The following LMO7 variants were observed in gnomAD, a reference collection of about 807,000 sequenced individuals.
LMO7 encodes LIM domain 7, also known as LIM domain only protein 7.
LMO7 carries 120 observed loss-of-function variants against 206.5 expected under a neutral mutation model. The ratio of observed to expected loss-of-function variants is 0.58; its 90% CI spans 0.50 to 0.68. The LOEUF (loss-of-function observed/expected upper bound fraction) is 0.68. Among genes scored for constraint, LMO7 ranks in the 30% least tolerant of loss-of-function variants. The probability of loss-of-function intolerance (pLI) is 0.00; values close to 1 mark genes in which losing one functional copy is unlikely to be tolerated. For synonymous variants in LMO7, 706 were observed against 681.5 expected (o/e 1.04, Z -0.56); for missense variants, 1,959 against 1,957.9 (o/e 1.00, Z -0.01).
intron 1 of LMO7, among the ~76,000 whole-genome samples, chr13:75,650,004 A>G (rs1174109637): frequency 6.6e-6 from 1 of 152,090 alleles, no homozygotes; most frequent in African/African-American, 2.4e-5. Flanking sequence ...TGTTTTTAAA[A>G]TTTTATGTTT....
intron 3 of LMO7, among the ~76,000 whole-genome samples, chr13:75,733,353 A>T (rs1319777743): frequency 6.6e-6 from 1 of 152,096 alleles, no homozygotes. Flanking sequence ...CCCCAGCCTC[A>T]CTGCTGCCTT....
chr13:75,836,640 A>T (rs1266713993), intron 19 of LMO7, among the ~76,000 whole-genome samples, 183 bp downstream of exon 19: 1 of 152,184 alleles, frequency 6.6e-6, no homozygotes, highest in Non-Finnish European at 1.5e-5. Context: ...TCCAGTGCTG[A>T]ATAGTTCAGG....
intron 3 of LMO7, among the ~76,000 whole-genome samples, chr13:75,752,411 G>A (rs2047346456): frequency 6.6e-6 from 1 of 152,118 alleles, no homozygotes; most frequent in African/African-American, 2.4e-5. Context: ...GGGATTACAG[G>A]CATGAGCCAC....
intron 1 of LMO7, among the ~76,000 whole-genome samples, chr13:75,708,222 A>G (rs2042802696): frequency 6.6e-6 from 1 of 152,212 alleles, no homozygotes; most frequent in African/African-American, 2.4e-5. Flanking sequence ...ACTGGGGTGC[A>G]GAGAGGTTAT....
At chr13:75,847,445 T>C (rs569441300) in intron 26 of LMO7, among the ~76,000 whole-genome samples, 1 of 152,358 alleles carries the variant, frequency 6.6e-6, no homozygotes, top group South Asian at 2.1e-4. Flanking sequence ...GATGATTATT[T>C]GGATTGCTTG....
At chr13:75,817,848 T>G (rs1233547799) in intron 12 of LMO7, among the ~76,000 whole-genome samples, 1 of 152,212 alleles carries the variant, frequency 6.6e-6, no homozygotes, top group Non-Finnish European at 1.5e-5. Flanking sequence ...AGATATAGAC[T>G]TACTCTTTAG....
intron 4 of LMO7, among the ~76,000 whole-genome samples, chr13:75,790,536 C>T (rs1250218392): frequency 9.2e-5 from 14 of 152,182 alleles, no homozygotes; most frequent in Non-Finnish European, 2.9e-5. Flanking sequence ...CCCACAGCAT[C>T]TATGTAGACT....
At position 75,636,371 on chromosome 13, in the gene LMO7, C is replaced by A. The variant is rs1461193689; in HGVS notation, c.-287C>A. On this transcript the variant is annotated 5_prime_UTR_variant, in exon 1 of 31. Transcript: ENST00000377534. ...TGGTGCCGCGCGCTGCCGCTGGGCA[C>A]CCGCTTCGCTTCCCGCGTCCTGCCT... 1 of 1,264,622 alleles carries A rather than the reference C, an allele frequency of 7.9e-7. No individual in the cohort carries two copies. 78.3% of individuals were successfully genotyped at this position (1,264,622 alleles called of 1,614,324 possible). A position where few individuals can be genotyped will look rare whatever the true frequency, so the allele number is the denominator to read the frequency against.
At chr13:75,822,249 G>T (rs2057655192) in intron 14 of LMO7, among the ~76,000 whole-genome samples, 2 of 152,096 alleles carry the variant, frequency 1.3e-5, no homozygotes, top group Non-Finnish European at 2.9e-5. Context: ...ATTCTTTTTA[G>T]CTCTGCTAAT....
At chr13:75,822,569 A>G (rs1240134943) in intron 14 of LMO7, among the ~76,000 whole-genome samples, 3 of 151,800 alleles carry the variant, frequency 2.0e-5, no homozygotes, top group African/African-American at 7.3e-5. Context: ...GAGGGGATTC[A>G]AATGTCTGGT....
At chr13:75,805,829 T>A in intron 9 of LMO7, 69 bp downstream of exon 9, 1 of 1,451,674 alleles carries the variant, frequency 6.9e-7, no homozygotes, top group Non-Finnish European at 9.4e-7. Flanking sequence ...TCTATGTGCA[T>A]GTTTTTTATA....
chr13:75,641,702 T>C (rs1021192458), intron 1 of LMO7, among the ~76,000 whole-genome samples: 1 of 152,234 alleles, frequency 6.6e-6, no homozygotes, highest in African/African-American at 2.4e-5. Context: ...TTGCCCAGGC[T>C]GGAGTGCAGT....
chr13:75,712,199 G>T (rs1370613595), intron 1 of LMO7, among the ~76,000 whole-genome samples: 1 of 152,174 alleles, frequency 6.6e-6, no homozygotes, highest in African/African-American at 2.4e-5. Context: ...GCCAACCTGG[G>T]ATTTAAGATT....
chr13:75,663,831 C>CT (rs988690650), intron 1 of LMO7, among the ~76,000 whole-genome samples: 4 of 151,558 alleles, frequency 2.6e-5, no homozygotes, highest in South Asian at 2.1e-4. Context: ...AGTTGGGCTT[C>CT]TTTTTTTTAA....
intron 26 of LMO7, among the ~76,000 whole-genome samples, chr13:75,848,431 TTATCTATCTATC>T (rs139984746): frequency 6.0e-5 from 9 of 150,520 alleles, no homozygotes; most frequent in African/African-American, 9.8e-5. Flanking sequence ...TTCCATGCGA[TTATCTATCTATC>T]TATCTATCTA....
At chr13:75,626,571 T>TACAC (rs1263277423) in intron 2 of LMO7, among the ~76,000 whole-genome samples, 1 of 88,968 alleles carries the variant, frequency 1.1e-5, no homozygotes, top group Non-Finnish European at 2.4e-5. Context: ...CCTCTTAACA[T>TACAC]ATATATTATA....
At chr13:75,623,636 T>G (rs973985388) in intron 2 of LMO7, among the ~76,000 whole-genome samples, 2 of 151,888 alleles carry the variant, frequency 1.3e-5, no homozygotes, top group Non-Finnish European at 2.9e-5. Context: ...GTGCTGGGAT[T>G]ACAGGCATGA....
At position 75,626,577 on chromosome 13, in the gene LMO7, T is replaced by TTA. The variant is rs1555281380; in HGVS notation, c.225+3272_225+3273dup. On this transcript the variant is annotated intron_variant, in intron 2 of 29. Transcript: ENST00000341547. The stretch of plus-strand genomic sequence containing the variant: ...ATTGTCTACCCTCTTAACATATATA[T>TTA]TATATATATATATATAAATTTTTTT... Among the ~76,000 whole-genome samples, 74 of 74,530 alleles carry TTA rather than the reference T, an allele frequency of 9.9e-4. 8 individuals carry two copies. The highest frequency in any genetic ancestry group is 6.8e-3 in the Middle Eastern group (1 of 146). 48.9% of individuals were successfully genotyped at this position (74,530 alleles called of 152,430 possible). A position where few individuals can be genotyped will look rare whatever the true frequency, so the allele number is the denominator to read the frequency against.
Position 75,695,997 on chromosome 13 carries a change from G to A in LMO7, c.70-17185G>A, listed in dbSNP as rs144469393. Among the ~76,000 whole-genome samples the A allele has an allele frequency of 9.8e-5, 15 of 152,330 alleles. 1 individual carries two copies. Among genetic ancestry groups the A allele is most frequent in the South Asian group, 8.3e-4 (4 of 4,828 alleles). On this transcript the variant is annotated intron_variant, in intron 1 of 30. Coordinates refer to ENST00000377534, the MANE Select transcript of LMO7 (RefSeq NM_001306080.2). ...TTTAGACTGCTGCAGTACTCAGAATGTGCCAGCAGGTGGCAGCAGAGAACA... is the reference window on the plus strand; with the variant it reads ...TTTAGACTGCTGCAGTACTCAGAATATGCCAGCAGGTGGCAGCAGAGAACA...
Sources: gnomAD v4.1 joint callset for allele counts (sites outside exome capture counted in the v4.1 genomes callset) on GRCh38, gnomAD v4.1.1 for gene constraint, MANE v1.5 for transcripts, NCBI Gene and HGNC (gene_info 2026-07-23, HGNC 2026-07-21) for gene names.